The following ATP8A2 variants were observed in gnomAD, a reference collection of about 807,000 sequenced individuals.
The protein encoded by ATP8A2 is ATPase phospholipid transporting 8A2.
A neutral mutation model predicts 165.6 loss-of-function variants in ATP8A2; 100 were observed. That is an observed-to-expected ratio of 0.60 (90% CI 0.51 to 0.71). The LOEUF (loss-of-function observed/expected upper bound fraction) is 0.71. Ranked by LOEUF, ATP8A2 falls within the 30% of genes least tolerant of loss-of-function variation. The pLI is 0.00. For synonymous variants in ATP8A2, 543 were observed against 548.8 expected (o/e 0.99, Z 0.15); for missense variants, 1,227 against 1,479.5 (o/e 0.83, Z 2.80).
At chr13:25,981,174 C>T (rs911280113) in intron 35 of ATP8A2, among the ~76,000 whole-genome samples, 1 of 152,150 alleles carries the variant, frequency 6.6e-6, no homozygotes. Context: ...TGTTTTCATA[C>T]TTTGCCTTGT....
intron 24 of ATP8A2, among the ~76,000 whole-genome samples, chr13:25,650,138 A>C (rs144791815): frequency 3.3e-5 from 5 of 152,236 alleles, no homozygotes; most frequent in Non-Finnish European, 7.4e-5. Flanking sequence ...AACTTGAGGG[A>C]TGGGGTGGGG....
Position 25,551,414 on chromosome 13 carries a change from T to C in ATP8A2, c.968T>C (p.Ile323Thr), listed in dbSNP as rs2038819402. The change falls in exon 11 of 37, where the codon ATC becomes ACC. Residue 323 changes from isoleucine (I) to threonine (T), a missense_variant. Coordinates refer to ENST00000381655, the MANE Select transcript of ATP8A2 (RefSeq NM_016529.6). Reference protein sequence around the residue: ...TNVQILVLFGILLVMALVSSA... With the variant: ...TNVQILVLFGTLLVMALVSSA... ...GTGCAGATCCTGGTGTTGTTTGGCA[T>C]CCTCTTGGTCATGGCCTTGGTGAGC... is the stretch of plus-strand genomic sequence containing the variant. 1 of 1,614,044 alleles carries C rather than the reference T, an allele frequency of 6.2e-7. No individual in the cohort carries two copies. The highest frequency in any genetic ancestry group is 8.5e-7 in the Non-Finnish European group (1 of 1,180,010).
At chr13:25,720,140 A>G (rs1290886828) in intron 25 of ATP8A2, among the ~76,000 whole-genome samples, 2 of 150,322 alleles carry the variant, frequency 1.3e-5, no homozygotes, top group South Asian at 2.1e-4. Flanking sequence ...TTATCTGCAC[A>G]TGACCTCCGA....
chr13:25,965,425 C>T (rs117911800), intron 34 of ATP8A2, among the ~76,000 whole-genome samples: 1,546 of 152,284 alleles, frequency 0.01, 8 homozygotes, highest in Middle Eastern at 0.044. Flanking sequence ...AGATTTGGCA[C>T]GCCATAAAAT....
intron 24 of ATP8A2, among the ~76,000 whole-genome samples, chr13:25,633,060 A>G (rs1284090797): frequency 6.6e-6 from 1 of 152,228 alleles, no homozygotes; most frequent in Non-Finnish European, 1.5e-5. Context: ...TTCTCAAAGT[A>G]TTGAAAAAGA....
At chr13:26,007,049 CTCT>C (rs1277467191) in intron 35 of ATP8A2, among the ~76,000 whole-genome samples, 4 of 150,068 alleles carry the variant, frequency 2.7e-5, no homozygotes, top group Admixed American at 1.3e-4. Flanking sequence ...ATCTGTACTC[CTCT>C]TTTCTTCTCA....
chr13:25,691,197 G>C (rs979380943), intron 24 of ATP8A2, among the ~76,000 whole-genome samples: 2 of 152,188 alleles, frequency 1.3e-5, no homozygotes, highest in African/African-American at 4.8e-5. Context: ...AGTGAGGGAA[G>C]GGACTTGTCT....
At position 25,859,349 on chromosome 13, in the gene ATP8A2, CA is replaced by C. The variant is rs1952272821; in HGVS notation, c.2957-842del. On this transcript the variant is annotated intron_variant, in intron 30 of 36. Coordinates refer to ENST00000381655, the MANE Select transcript of ATP8A2 (RefSeq NM_016529.6). ...TTGTAACAAACCTGCGCATGTACCC[CA>C]AAATCTAAAACAAAAGTTGGAAGAA... is the stretch of plus-strand genomic sequence containing the variant. 3.3e-5 allele frequency among the ~76,000 whole-genome samples: 5 copies of C among 152,198 alleles called. No homozygotes were observed. The South Asian group carries it at 1.0e-3, about 32-fold the overall frequency.
rs149793213 is a variant in ATP8A2 at position 25,619,918 on chromosome 13, C to T, written c.2211+30219C>T. Among the ~76,000 whole-genome samples the T allele has an allele frequency of 5.8e-3, 879 of 152,238 alleles. 7 individuals carry two copies. The highest frequency in any genetic ancestry group is 0.02 in the African/African-American group (835 of 41,518). ...TATGGGATATATTTGGCCCACGGGC[C>T]GTAGTTTACTGACCCCAATCTATAT... On this transcript the variant is annotated intron_variant, in intron 24 of 36. Coordinates refer to ENST00000381655, the MANE Select transcript of ATP8A2 (RefSeq NM_016529.6).
intron 2 of ATP8A2, among the ~76,000 whole-genome samples, chr13:25,471,397 C>A (rs1440601714): frequency 6.6e-6 from 1 of 151,020 alleles, no homozygotes; most frequent in Admixed American, 6.6e-5. Context: ...GTCTCCCAGG[C>A]TGGAGTGCAG....
At chr13:26,006,099 A>C (rs946884073) in intron 35 of ATP8A2, among the ~76,000 whole-genome samples, 2 of 152,054 alleles carry the variant, frequency 1.3e-5, no homozygotes, top group Non-Finnish European at 2.9e-5. Flanking sequence ...TCTGTAAAAC[A>C]CTTTGACTAG....
intron 34 of ATP8A2, among the ~76,000 whole-genome samples, chr13:25,968,153 T>C (rs1165126781): frequency 1.3e-5 from 2 of 152,254 alleles, no homozygotes; most frequent in African/African-American, 4.8e-5. Flanking sequence ...CCCTGGGCTC[T>C]CTGACTGCAG....
intron 24 of ATP8A2, among the ~76,000 whole-genome samples, chr13:25,609,534 G>GGGATACAAATATATATATATATATTT (rs2040603721): frequency 4.7e-5 from 2 of 42,218 alleles, no homozygotes; most frequent in Non-Finnish European, 1.4e-4. Context: ...ATATATATTT[G>GGGATACAAATATATATATATATATTT]GGATTCAAAT....
chr13:25,610,111 T>C (rs1382658792), intron 24 of ATP8A2, among the ~76,000 whole-genome samples: 1 of 152,192 alleles, frequency 6.6e-6, no homozygotes, highest in African/African-American at 2.4e-5. Context: ...AGAAGCTTTT[T>C]TGTGTAATTA....
At chr13:25,553,752 G>A (rs12853449) in intron 11 of ATP8A2, 41 bp from the exon 12 acceptor site, 81,316 of 1,584,912 alleles carry the variant, frequency 0.051, 2,623 homozygotes, top group African/African-American at 0.12. Flanking sequence ...AATAGACTTT[G>A]GTTGTGAACA....
intron 2 of ATP8A2, among the ~76,000 whole-genome samples, chr13:25,505,057 A>C (rs550089219): frequency 6.6e-6 from 1 of 152,324 alleles, no homozygotes; most frequent in East Asian, 1.9e-4. Flanking sequence ...TCTTGATAGC[A>C]ATCACTTTAC....
chr13:25,468,277 A>G (rs2035725943), intron 1 of ATP8A2, among the ~76,000 whole-genome samples: 1 of 152,198 alleles, frequency 6.6e-6, no homozygotes, highest in Non-Finnish European at 1.5e-5. Flanking sequence ...AAGCAATAAA[A>G]TGAAAGCTCG....
chr13:25,627,188 A>G (rs998969410), intron 24 of ATP8A2, among the ~76,000 whole-genome samples: 27 of 152,246 alleles, frequency 1.8e-4, no homozygotes, highest in African/African-American at 6.0e-4. Flanking sequence ...GAAATAGCAA[A>G]TGCAAATCCG....
intron 27 of ATP8A2, among the ~76,000 whole-genome samples, chr13:25,800,926 C>A (rs539950411): frequency 2.6e-5 from 4 of 152,238 alleles, no homozygotes; most frequent in Admixed American, 2.6e-4. Flanking sequence ...TGAGCAGAGG[C>A]AGCAGAAAGC....
Sources: gnomAD v4.1 joint callset for allele counts (sites outside exome capture counted in the v4.1 genomes callset) on GRCh38, gnomAD v4.1.1 for gene constraint, MANE v1.5 for transcripts, NCBI Gene and HGNC (gene_info 2026-07-23, HGNC 2026-07-21) for gene names.